The following DLGAP2 variants were observed in gnomAD, a reference collection of about 807,000 sequenced individuals.
The protein encoded by DLGAP2 is disks large-associated protein 2.
In DLGAP2, 26 loss-of-function variants were observed where a neutral mutation model predicts 100.3. That is an observed-to-expected ratio of 0.26 (90% CI 0.19 to 0.36). DLGAP2 has a LOEUF of 0.36. Among genes scored for constraint, DLGAP2 ranks in the 10% least tolerant of loss-of-function variants. The pLI is 1.00. For synonymous variants in DLGAP2, 886 were observed against 630.1 expected, an observed-to-expected ratio of 1.41 and a Z score of -6.08; for missense variants, 1,858 against 1,453.2, an observed-to-expected ratio of 1.28 and a Z score of -4.53.
chr8:1,436,737 C>G (rs1438582320), intron 3 of DLGAP2, among the ~76,000 whole-genome samples: 3 of 152,150 alleles, frequency 2.0e-5, no homozygotes, highest in Non-Finnish European at 2.9e-5. Flanking sequence ...ATTCACTCAC[C>G]CACTTACCCA....
chr8:1,080,696 G>A (rs556278029), intron 2 of DLGAP2, among the ~76,000 whole-genome samples: 11 of 152,290 alleles, frequency 7.2e-5, no homozygotes, highest in African/African-American at 2.6e-4. Context: ...TGTTGAACAG[G>A]TGCTTGTTCA....
intron 12 of DLGAP2, among the ~76,000 whole-genome samples, chr8:1,683,922 A>G (rs28464117): frequency 6.3e-4 from 65 of 102,686 alleles, no homozygotes; most frequent in South Asian, 1.9e-3. Context: ...GTATATATAT[A>G]TGTGTGTATA....
chr8:1,566,523 A>C (rs1301785977), intron 6 of DLGAP2, among the ~76,000 whole-genome samples: 1 of 152,172 alleles, frequency 6.6e-6, no homozygotes, highest in Non-Finnish European at 1.5e-5. Flanking sequence ...TGAGTCCCAC[A>C]AGTTAGTTTG....
At chr8:1,442,047 AC>A (rs1334055976) in intron 3 of DLGAP2, among the ~76,000 whole-genome samples, 7 of 152,298 alleles carry the variant, frequency 4.6e-5, no homozygotes, top group African/African-American at 1.7e-4. Context: ...GTGCACACAG[AC>A]CCAGAGGGCA....
chr8:1,447,519 C>T (rs370773934), intron 3 of DLGAP2, among the ~76,000 whole-genome samples: 19 of 152,268 alleles, frequency 1.2e-4, no homozygotes, highest in Admixed American at 4.6e-4. Context: ...TGCATCAATG[C>T]TCATCAAGGA....
chr8:1,415,488 G>A (rs191573611), intron 3 of DLGAP2, among the ~76,000 whole-genome samples: 1 of 152,174 alleles, frequency 6.6e-6, no homozygotes, highest in Non-Finnish European at 1.5e-5. Context: ...AGTAGCCCTG[G>A]TGTCTGCTGT....
chr8:1,075,115 G>A (rs777938168), intron 2 of DLGAP2, among the ~76,000 whole-genome samples: 27 of 152,218 alleles, frequency 1.8e-4, no homozygotes, highest in African/African-American at 6.3e-4. Context: ...GCCCTCTGGC[G>A]ATGTCCTCAG....
chr8:1,048,945 G>A (rs77503203), intron 2 of DLGAP2, among the ~76,000 whole-genome samples: 1,992 of 152,294 alleles, frequency 0.013, 22 homozygotes, highest in Non-Finnish European at 0.02. Flanking sequence ...TAGAAAAACA[G>A]CAGTGATTTG....
chr8:793,639 C>G (rs902292093), intron 1 of DLGAP2, among the ~76,000 whole-genome samples: 7 of 152,230 alleles, frequency 4.6e-5, no homozygotes, highest in Non-Finnish European at 7.3e-5. Flanking sequence ...CTTCACATCT[C>G]TGGACATGTG....
intron 3 of DLGAP2, among the ~76,000 whole-genome samples, chr8:1,418,733 C>G (rs939947489): frequency 6.6e-6 from 1 of 152,204 alleles, no homozygotes; most frequent in Admixed American, 6.5e-5. Flanking sequence ...CTCCCACTAC[C>G]AGGACACCAA....
intron 5 of DLGAP2, among the ~76,000 whole-genome samples, chr8:1,560,677 C>G (rs1034392669): frequency 2.0e-4 from 31 of 152,252 alleles, no homozygotes; most frequent in African/African-American, 7.5e-4. Context: ...TAAGAATTGT[C>G]AAGTCCCCAA....
intron 2 of DLGAP2, among the ~76,000 whole-genome samples, chr8:988,822 G>A (rs1446261594): frequency 6.6e-6 from 1 of 152,094 alleles, no homozygotes; most frequent in African/African-American, 2.4e-5. Context: ...TGCTTTTTCT[G>A]CATCATTTCC....
chr8:936,507 G>T (rs867967295), intron 2 of DLGAP2, among the ~76,000 whole-genome samples: 2 of 152,198 alleles, frequency 1.3e-5, no homozygotes, highest in African/African-American at 4.8e-5. Flanking sequence ...ACTAGAGCAG[G>T]ACGCATGGCT....
chr8:1,139,635 C>G (rs1292940038), intron 2 of DLGAP2, among the ~76,000 whole-genome samples: 1 of 152,134 alleles, frequency 6.6e-6, no homozygotes, highest in South Asian at 2.1e-4. Flanking sequence ...GCCCACAGGT[C>G]ACTAATTAAC....
At chr8:1,137,587 T>C (rs1585095454) in intron 2 of DLGAP2, 1 of 152,180 alleles carries the variant, frequency 6.6e-6, no homozygotes, top group Non-Finnish European at 1.5e-5. Flanking sequence ...AAAAAATGCA[T>C]TAGTAAAACT....
chr8:1,082,409 G>A (rs1803842292), intron 2 of DLGAP2, among the ~76,000 whole-genome samples: 1 of 152,142 alleles, frequency 6.6e-6, no homozygotes, highest in African/African-American at 2.4e-5. Flanking sequence ...ATCTAGCTAA[G>A]GGTGGGGGCA....
At chr8:1,321,196 C>T (rs770138526) in intron 3 of DLGAP2, among the ~76,000 whole-genome samples, 9 of 150,330 alleles carry the variant, frequency 6.0e-5, no homozygotes, top group Non-Finnish European at 1.2e-4. Flanking sequence ...TACGTGTGCA[C>T]GTGCATCCAT....
chr8:785,425 C>T (rs936758884), intron 1 of DLGAP2, among the ~76,000 whole-genome samples: 6 of 151,030 alleles, frequency 4.0e-5, no homozygotes, highest in African/African-American at 1.5e-4. Flanking sequence ...TCTCTGAGAC[C>T]GGCTTCTCTC....
At chr8:910,005 G>T (rs1041453939) in intron 2 of DLGAP2, among the ~76,000 whole-genome samples, 4 of 152,240 alleles carry the variant, frequency 2.6e-5, no homozygotes, top group Admixed American at 6.5e-5. Context: ...TTTTGTGGAA[G>T]AGTTTTCGCA....
Sources: gnomAD v4.1 joint callset for allele counts (sites outside exome capture counted in the v4.1 genomes callset) on GRCh38, gnomAD v4.1.1 for gene constraint, MANE v1.5 for transcripts, NCBI Gene and HGNC (gene_info 2026-07-23, HGNC 2026-07-21) for gene names.